The following SNX29 variants were observed in gnomAD, a reference collection of about 807,000 sequenced individuals.
The protein encoded by SNX29 is sorting nexin-29.
A neutral mutation model predicts 102.1 loss-of-function variants in SNX29; 78 were observed. The ratio of observed to expected loss-of-function variants is 0.76; its 90% CI spans 0.64 to 0.92. SNX29 has a LOEUF of 0.92. Ranked by LOEUF, SNX29 falls within the 40% of genes least tolerant of loss-of-function variation. SNX29 has a pLI of 0.00. For synonymous variants in SNX29, 580 were observed against 414.5 expected, an observed-to-expected ratio of 1.40 and a Z score of -4.85; for missense variants, 1,280 against 1,061.7, an observed-to-expected ratio of 1.21 and a Z score of -2.86.
In SNX29 at chr16:12,463,075, C is replaced by CCTG. The variant is rs887894494; in HGVS notation, c.2038-14633_2038-14631dup. Among the ~76,000 whole-genome samples the CCTG allele has an allele frequency of 2.2e-4, 33 of 152,330 alleles. 1 individual carries two copies. Among genetic ancestry groups the CCTG allele is most frequent in the African/African-American group, 7.9e-4 (33 of 41,584 alleles). Reference sequence around the variant, plus strand: ...GCCCCTTGTGATTTTCTCTGTGGCCCCTGCTGCTGCTGCCCATGCTGAAGA... The same window carrying CCTG: ...GCCCCTTGTGATTTTCTCTGTGGCCCCTGCTGCTGCTGCTGCCCATGCTGAAGA... On this transcript the variant is annotated intron_variant, in intron 18 of 20. Transcript: ENST00000566228.
intron 7 of SNX29, among the ~76,000 whole-genome samples, 198 bp downstream of exon 7, chr16:12,048,818 G>A (rs1161791127): frequency 1.3e-5 from 2 of 152,114 alleles, no homozygotes; most frequent in Admixed American, 6.6e-5. Flanking sequence ...GAGAATTGCC[G>A]GGTGGAAAAA....
chr16:12,394,002 C>G (rs886862781), intron 16 of SNX29, among the ~76,000 whole-genome samples: 2 of 152,202 alleles, frequency 1.3e-5, no homozygotes, highest in African/African-American at 4.8e-5. Context: ...TTCCTGAGAG[C>G]TTATGTACTT....
At chr16:12,261,497 G>C (rs1216445560) in intron 14 of SNX29, among the ~76,000 whole-genome samples, 1 of 143,144 alleles carries the variant, frequency 7.0e-6, no homozygotes, top group African/African-American at 2.6e-5. Flanking sequence ...CCCCCGGCTG[G>C]AGTGAGTGTT....
chr16:12,151,510 C>T (rs1043509438), intron 13 of SNX29, among the ~76,000 whole-genome samples: 1 of 152,178 alleles, frequency 6.6e-6, no homozygotes, highest in Non-Finnish European at 1.5e-5. Context: ...CCTGCATGTT[C>T]TGCGTGATCT....
intron 19 of SNX29, among the ~76,000 whole-genome samples, chr16:12,505,674 C>A (rs888603595): frequency 6.8e-6 from 1 of 147,102 alleles, no homozygotes; most frequent in African/African-American, 2.5e-5. Flanking sequence ...AAGTATGAGT[C>A]CTCCAGCTTT....
intron 18 of SNX29, among the ~76,000 whole-genome samples, chr16:12,450,969 G>A (rs924183805): frequency 1.3e-5 from 2 of 152,248 alleles, no homozygotes; most frequent in South Asian, 2.1e-4. Context: ...GCTCCACCAA[G>A]CAGTTGAGTC....
intron 13 of SNX29, among the ~76,000 whole-genome samples, chr16:12,148,793 G>A (rs1005372208): frequency 1.3e-5 from 2 of 152,130 alleles, no homozygotes; most frequent in Non-Finnish European, 2.9e-5. Flanking sequence ...CACCTCCCGG[G>A]TTCAAGTGAT....
chr16:12,171,399 C>G (rs2076146969), intron 13 of SNX29, among the ~76,000 whole-genome samples: 1 of 152,130 alleles, frequency 6.6e-6, no homozygotes, highest in Non-Finnish European at 1.5e-5. Flanking sequence ...CAGATAGCAG[C>G]AAATGTGTGG....
chr16:12,550,773 G>A (rs1597938987), intron 20 of SNX29, among the ~76,000 whole-genome samples: 2 of 146,614 alleles, frequency 1.4e-5, no homozygotes, highest in African/African-American at 5.1e-5. Context: ...AAGTGTAGAG[G>A]CTGAATAGCT....
chr16:12,212,978 G>A (rs561246179), intron 14 of SNX29, among the ~76,000 whole-genome samples: 1 of 152,284 alleles, frequency 6.6e-6, no homozygotes, highest in South Asian at 2.1e-4. Context: ...GCTGGGCATG[G>A]TGGCATGCAC....
chr16:11,977,544 CT>C (rs1164757431), intron 1 of SNX29: 1 of 152,652 alleles, frequency 6.6e-6, no homozygotes, highest in East Asian at 1.9e-4. Flanking sequence ...TCTCTCTTGC[CT>C]TGTCCTGCAG....
rs559703163 is a variant in SNX29, at chr16:12,446,173, T to A, written c.2038-31546T>A. On this transcript the variant is annotated intron_variant, in intron 18 of 20. Coordinates refer to ENST00000566228, the MANE Select transcript of SNX29 (RefSeq NM_032167.5). ...TGGGCTCAAGCAGTTGTTCAGCTTC[T>A]GCCTCCTGAGTAGCTGGGACTAGAG... 5.3e-5 allele frequency among the ~76,000 whole-genome samples: 8 copies of A among 151,438 alleles called. No homozygotes were observed. The East Asian group carries it at 1.4e-3, about 26-fold the overall frequency.
chr16:12,158,364 T>A (rs1240675601), intron 13 of SNX29, among the ~76,000 whole-genome samples: 1 of 152,076 alleles, frequency 6.6e-6, no homozygotes. Context: ...CACACCCGGC[T>A]AATTTTTGTA....
chr16:12,433,785 C>T (rs2085415765), intron 18 of SNX29, among the ~76,000 whole-genome samples: 1 of 152,176 alleles, frequency 6.6e-6, no homozygotes, highest in African/African-American at 2.4e-5. Flanking sequence ...GATTGTGCCA[C>T]TGCACTCCAG....
chr16:12,425,125 C>T (rs79016829), intron 18 of SNX29, among the ~76,000 whole-genome samples: 1,799 of 152,274 alleles, frequency 0.012, 39 homozygotes, highest in African/African-American at 0.041. Flanking sequence ...TTAATCTAAA[C>T]GCAAAAGCGG....
chr16:12,004,677 T>C (rs1457286094), intron 3 of SNX29, among the ~76,000 whole-genome samples: 1 of 152,168 alleles, frequency 6.6e-6, no homozygotes, highest in African/African-American at 2.4e-5. Context: ...CGTTCCTCTT[T>C]CTGTCCTTTC....
rs1016318077 is a variant in SNX29, at chr16:12,572,294, G to C, written c.*3665G>C. On this transcript the variant is annotated 3_prime_UTR_variant, in exon 21 of 21. Coordinates refer to ENST00000566228, the MANE Select transcript of SNX29 (RefSeq NM_032167.5). ...ATGCAACTAACAAGTACTGGGGCCAGTGATCACAATCCAGGTTGGAAACAG... is the reference window on the plus strand; with the variant it reads ...ATGCAACTAACAAGTACTGGGGCCACTGATCACAATCCAGGTTGGAAACAG... 2 of 978,052 alleles carry C rather than the reference G, an allele frequency of 2.0e-6. No individual in the cohort carries two copies. The highest frequency in any genetic ancestry group is 2.4e-6 in the Non-Finnish European group (2 of 845,036). 60.6% of individuals were successfully genotyped at this position (978,052 alleles called of 1,614,324 possible). A position where few individuals can be genotyped will look rare whatever the true frequency, so the allele number is the denominator to read the frequency against.
chr16:12,051,952 C>T lies in SNX29; in HGVS notation c.854C>T (p.Thr285Ile), dbSNP rs745804462. 1.2e-6 allele frequency: 2 copies of T among 1,613,592 alleles called. No homozygotes were observed. The highest frequency in any genetic ancestry group is 1.1e-5 in the South Asian group (1 of 91,064). ...EQNSGDVFKK[T>I]PGAGESSEDN... is the part of the protein sequence containing the mutation. ...AACTCTGGGGACGTGTTTAAAAAGACACCTGGGGCAGGGGAGAGCTCAGAG... is the reference window on the plus strand; with the variant it reads ...AACTCTGGGGACGTGTTTAAAAAGATACCTGGGGCAGGGGAGAGCTCAGAG... Residue 285 changes from threonine (T) to isoleucine (I), a missense_variant, in exon 8 of 21, where the codon ACA (threonine) becomes ATA (isoleucine). Physicochemically the swap from Thr to Ile is moderately conservative, Grantham distance 89. Coordinates refer to ENST00000566228, the MANE Select transcript of SNX29 (RefSeq NM_032167.5).
chr16:12,081,338 C>G (rs1463963267), intron 11 of SNX29: 1 of 152,160 alleles, frequency 6.6e-6, no homozygotes, highest in Non-Finnish European at 1.5e-5. Context: ...TGGGTGCAGT[C>G]CCCGCACCTA....
Sources: gnomAD v4.1 joint callset for allele counts (sites outside exome capture counted in the v4.1 genomes callset) on GRCh38, gnomAD v4.1.1 for gene constraint, MANE v1.5 for transcripts, NCBI Gene and HGNC (gene_info 2026-07-23, HGNC 2026-07-21) for gene names.